Variants in PPARGC1A observed in about 807,000 individuals in gnomAD.
PPARGC1A encodes the protein PPARG coactivator 1 alpha.
Under a neutral mutation model 88.7 loss-of-function variants are expected in PPARGC1A, and 25 were observed. The ratio of observed to expected loss-of-function variants is 0.28; its 90% CI spans 0.21 to 0.39. The LOEUF (loss-of-function observed/expected upper bound fraction) is 0.39, where lower values mean the gene tolerates loss of function less well. Among genes scored for constraint, PPARGC1A ranks in the 10% least tolerant of loss-of-function variants. The pLI is 1.00. For synonymous variants in PPARGC1A, 363 were observed against 355.6 expected (o/e 1.02, Z -0.24); for missense variants, 880 against 968.7 (o/e 0.91, Z 1.22).
At chr4:24,450,833 T>C in the PPARGC1A span, among the ~76,000 whole-genome samples, 3 of 152,220 alleles carry the variant, frequency 2.0e-5, no homozygotes, top group African/African-American at 2.4e-5. Context: ...CCTGCCTTTA[T>C]ACATGTTTTC....
At chr4:24,243,061 A>T in the PPARGC1A span, among the ~76,000 whole-genome samples, 5 of 152,090 alleles carry the variant, frequency 3.3e-5, no homozygotes, top group Non-Finnish European at 5.9e-5. Flanking sequence ...TTTCTCTTCC[A>T]TTATACTGCA....
At chr4:23,974,521 A>G in the PPARGC1A span, among the ~76,000 whole-genome samples, 1 of 152,136 alleles carries the variant, frequency 6.6e-6, no homozygotes, top group Admixed American at 6.5e-5. Context: ...ATTTCCTCTC[A>G]CTTACATAGG....
the PPARGC1A span, among the ~76,000 whole-genome samples, chr4:24,099,752 C>T: frequency 6.6e-6 from 1 of 152,062 alleles, no homozygotes; most frequent in African/African-American, 2.4e-5. Flanking sequence ...TTTCTTCCCT[C>T]TCCATTTACT....
the PPARGC1A span, among the ~76,000 whole-genome samples, chr4:24,311,531 T>C: frequency 6.6e-6 from 1 of 151,592 alleles, no homozygotes. Context: ...TCCCAGCTAC[T>C]CAGGAGGCTG....
chr4:23,801,943 C>T (rs1718836150), intron 11 of PPARGC1A, 62 bp from the exon 12 acceptor site: 1 of 1,583,384 alleles, frequency 6.3e-7, no homozygotes, highest in Non-Finnish European at 8.6e-7. Context: ...GGACTGTAAC[C>T]CTTTCTACTT....
the PPARGC1A span, among the ~76,000 whole-genome samples, chr4:24,039,047 G>A: frequency 0.03 from 4,633 of 152,154 alleles, 152 homozygotes; most frequent in South Asian, 0.083. Context: ...AAATATCATC[G>A]TAAGTAATTT....
At chr4:24,394,741 C>T in the PPARGC1A span, among the ~76,000 whole-genome samples, 1 of 152,122 alleles carries the variant, frequency 6.6e-6, no homozygotes, top group Non-Finnish European at 1.5e-5. Flanking sequence ...TTGTGAGATG[C>T]ACCATTATTT....
At chr4:24,194,001 C>A in the PPARGC1A span, among the ~76,000 whole-genome samples, 1 of 152,134 alleles carries the variant, frequency 6.6e-6, no homozygotes, top group East Asian at 1.9e-4. Context: ...TGGTGGCATG[C>A]ACCTATAATC....
At chr4:24,207,746 T>G in the PPARGC1A span, among the ~76,000 whole-genome samples, 1 of 152,190 alleles carries the variant, frequency 6.6e-6, no homozygotes, top group Non-Finnish European at 1.5e-5. Flanking sequence ...TTTTTTTCTG[T>G]AAAGCCACAA....
chr4:24,445,414 T>C, the PPARGC1A span, among the ~76,000 whole-genome samples: 1 of 152,254 alleles, frequency 6.6e-6, no homozygotes, highest in Non-Finnish European at 1.5e-5. Flanking sequence ...TTTTTGTCTA[T>C]TCTGATGACA....
chr4:24,260,095 T>C, the PPARGC1A span, among the ~76,000 whole-genome samples: 4 of 152,202 alleles, frequency 2.6e-5, no homozygotes, highest in Admixed American at 6.5e-5. Flanking sequence ...AACTAGGTGA[T>C]AGGCCAAATT....
chr4:24,089,342 A>G, the PPARGC1A span, among the ~76,000 whole-genome samples: 3 of 152,042 alleles, frequency 2.0e-5, no homozygotes, highest in Non-Finnish European at 2.9e-5. Flanking sequence ...ATACAAATGA[A>G]TGGGGGCAGC....
chr4:23,978,751 G>C, the PPARGC1A span, among the ~76,000 whole-genome samples: 1 of 152,116 alleles, frequency 6.6e-6, no homozygotes. Flanking sequence ...TATTTAAAGC[G>C]ACTGGGGAGG....
the PPARGC1A span, among the ~76,000 whole-genome samples, chr4:23,974,881 T>C: frequency 4.8e-5 from 7 of 145,478 alleles, no homozygotes; most frequent in Admixed American, 2.1e-4. Context: ...GGTCTTGATC[T>C]CCTGACCTCG....
intron 2 of PPARGC1A, among the ~76,000 whole-genome samples, chr4:23,849,031 C>A (rs1728805652): frequency 6.6e-6 from 1 of 152,108 alleles, no homozygotes; most frequent in Non-Finnish European, 1.5e-5. Flanking sequence ...GTACTCCCAG[C>A]TACTCGGGAG....
At chr4:24,359,672 C>T in the PPARGC1A span, among the ~76,000 whole-genome samples, 3 of 152,096 alleles carry the variant, frequency 2.0e-5, no homozygotes, top group Admixed American at 2.0e-4. Context: ...GACTGGTGTC[C>T]TTATCAGAAG....
At chr4:24,327,104 G>A in the PPARGC1A span, among the ~76,000 whole-genome samples, 1 of 152,104 alleles carries the variant, frequency 6.6e-6, no homozygotes, top group African/African-American at 2.4e-5. Context: ...ACTTAAAAAG[G>A]ACTGGACAAT....
chr4:24,155,119 TTTG>T, the PPARGC1A span, among the ~76,000 whole-genome samples: 3 of 140,098 alleles, frequency 2.1e-5, no homozygotes, highest in African/African-American at 9.6e-5. Context: ...GAACCTCGGT[TTTG>T]TTTTTTTTTT....
chr4:24,284,135 A>C, the PPARGC1A span, among the ~76,000 whole-genome samples: 3 of 151,302 alleles, frequency 2.0e-5, no homozygotes, highest in South Asian at 6.3e-4. Flanking sequence ...ATACCAAAAA[A>C]AAAAAAAAAA....
Sources: gnomAD v4.1 joint callset for allele counts (sites outside exome capture counted in the v4.1 genomes callset) on GRCh38, gnomAD v4.1.1 for gene constraint, MANE v1.5 for transcripts, NCBI Gene and HGNC (gene_info 2026-07-23, HGNC 2026-07-21) for gene names.